The following ARHGAP29 variants were observed in gnomAD, a reference collection of about 807,000 sequenced individuals.
The protein encoded by ARHGAP29 is rho GTPase-activating protein 29.
ARHGAP29 carries 43 observed loss-of-function variants against 122.6 expected under a neutral mutation model. The ratio of observed to expected loss-of-function variants is 0.35; its 90% confidence interval spans 0.27 to 0.45. ARHGAP29 has a LOEUF of 0.45. Ranked by LOEUF, ARHGAP29 falls within the 20% of genes least tolerant of loss-of-function variation. The pLI, the probability that ARHGAP29 is intolerant of heterozygous loss-of-function variation, is 1.00. For missense variants in ARHGAP29, 1,303 were observed against 1,477.2 expected (o/e 0.88, Z 1.93); for synonymous variants, 506 against 497.1 (o/e 1.02, Z -0.24).
intron 12 of ARHGAP29, chr1:94,195,655 T>C (rs1394315601): frequency 6.6e-6 from 1 of 152,090 alleles, no homozygotes; most frequent in African/African-American, 2.4e-5. Flanking sequence ...AATCTGAACA[T>C]ATATTTACCT....
rs1455700803 is a variant in ARHGAP29, at chr1:94,174,099, G to T, written c.3556C>A (p.Pro1186Thr). Residue 1186 changes from proline to threonine, a missense_variant, in exon 23 of 23, where the codon CCC becomes ACC. Coordinates refer to ENST00000260526, the MANE Select transcript of ARHGAP29 (RefSeq NM_004815.4). ...GTGCCAGGAGGCACTGCTGCTGAGG[G>T]TGAAGCTGGCTTCTCCTCATTCCCC... ...IRGNEEKPAS[P>T]SAAVPPGTDH... The T allele has an allele frequency of 8.1e-6, 13 of 1,614,180 alleles. No homozygotes were observed. The highest frequency in any genetic ancestry group is 1.1e-5 in the Non-Finnish European group (13 of 1,180,044).
intron 2 of ARHGAP29, among the ~76,000 whole-genome samples, chr1:94,230,830 C>A (rs774868427): frequency 1.6e-4 from 25 of 151,760 alleles, no homozygotes; most frequent in African/African-American, 5.8e-4. Flanking sequence ...CAGAGATATA[C>A]AATCTTTTAC....
At chr1:94,252,961 C>G (rs1416346240) in intron 1 of ARHGAP29, among the ~76,000 whole-genome samples, 1 of 151,848 alleles carries the variant, frequency 6.6e-6, no homozygotes, top group African/African-American at 2.4e-5. Context: ...AGAGCTTATT[C>G]ACTTCATTCT....
upstream of ARHGAP29, chr1:94,237,685 G>C (rs1285611799): frequency 1.0e-6 from 1 of 985,446 alleles, no homozygotes; most frequent in Non-Finnish European, 1.2e-6. Context: ...CCCGGGGGCG[G>C]GGCCGGCGAC....
At chr1:94,304,494 C>A in the ARHGAP29 span, among the ~76,000 whole-genome samples, 1 of 152,190 alleles carries the variant, frequency 6.6e-6, no homozygotes, top group Non-Finnish European at 1.5e-5. Context: ...AAAGCCTCAC[C>A]TAACTGGAAG....
chr1:94,214,425 T>TA (rs1384197527), intron 3 of ARHGAP29, among the ~76,000 whole-genome samples: 1 of 152,212 alleles, frequency 6.6e-6, no homozygotes, highest in Admixed American at 6.5e-5. Context: ...TGTCTAGTTT[T>TA]AACCTCCAAG....
chr1:94,241,242 T>C (rs1376719486), upstream of ARHGAP29, among the ~76,000 whole-genome samples: 1 of 152,242 alleles, frequency 6.6e-6, no homozygotes, highest in African/African-American at 2.4e-5. Flanking sequence ...GGCCATTTTA[T>C]AGCATAAACG....
chr1:94,263,498 C>G (rs1654640971), intron 1 of ARHGAP29, among the ~76,000 whole-genome samples: 1 of 152,146 alleles, frequency 6.6e-6, no homozygotes. Context: ...CGTACTCATG[C>G]ATAATTATGA....
upstream of ARHGAP29, among the ~76,000 whole-genome samples, chr1:94,239,441 G>A (rs543364474): frequency 2.0e-5 from 3 of 152,258 alleles, no homozygotes; most frequent in South Asian, 6.2e-4. Flanking sequence ...GATGGAGAGA[G>A]AGGGTGTATG....
chr1:94,178,284 G>GA (rs765211588), intron 20 of ARHGAP29, 117 bp from the exon 21 acceptor site: 18 of 937,244 alleles, frequency 1.9e-5, no homozygotes, highest in Non-Finnish European at 2.8e-5. Context: ...ATACTAGGGG[G>GA]AAAAAGTCTA....
chr1:94,217,867 A>C (rs1274613082), intron 3 of ARHGAP29, among the ~76,000 whole-genome samples: 1 of 151,956 alleles, frequency 6.6e-6, no homozygotes, highest in African/African-American at 2.4e-5. Context: ...AAACAAAAAA[A>C]AAAAAACTGA....
At chr1:94,233,076 C>T (rs1653023085) in intron 1 of ARHGAP29, among the ~76,000 whole-genome samples, 1 of 151,428 alleles carries the variant, frequency 6.6e-6, no homozygotes, top group African/African-American at 2.4e-5. Context: ...ACCCATGTAG[C>T]TGGGACTCCA....
upstream of ARHGAP29, among the ~76,000 whole-genome samples, chr1:94,242,049 G>A (rs1653608843): frequency 6.6e-6 from 1 of 151,956 alleles, no homozygotes; most frequent in Non-Finnish European, 1.5e-5. Flanking sequence ...AGAGACTAAG[G>A]ATGTAGAAAA....
chr1:94,174,422 T>C lies in ARHGAP29; in HGVS notation c.3233A>G (p.Gln1078Arg), dbSNP rs1373411735. The change falls in exon 23 of 23, where the codon CAG becomes CGG. Residue 1078 changes from glutamine to arginine, a missense_variant. Gln to Arg is a conservative substitution (Grantham distance 43, BLOSUM62 1). Transcript: ENST00000260526. Reference sequence around the variant, plus strand: ...TTCATACTGTTTGTCCTGAATTTTCTGTAGAGTTTGCTGGTCAAAGCCATT... The same window carrying C: ...TTCATACTGTTTGTCCTGAATTTTCCGTAGAGTTTGCTGGTCAAAGCCATT... The part of the protein sequence containing the change: ...KFNGFDQQTL[Q>R]KIQDKQYEQN... 1.2e-6 allele frequency: 2 copies of C among 1,614,240 alleles called. No homozygotes were observed. The highest frequency in any genetic ancestry group is 1.1e-5 in the South Asian group (1 of 91,082).
At chr1:94,186,745 G>A in intron 15 of ARHGAP29, 148 bp from the exon 16 acceptor site, 1 of 596,268 alleles carries the variant, frequency 1.7e-6, no homozygotes, top group East Asian at 2.9e-5. Context: ...CTGGGTAACA[G>A]GGAATTTTGA....
In ARHGAP29 at chr1:94,171,280, A is replaced by G. The variant is rs10874840; in HGVS notation, c.*2589T>C. On this transcript the variant is annotated 3_prime_UTR_variant, in exon 23 of 23. Coordinates refer to ENST00000260526, the MANE Select transcript of ARHGAP29 (RefSeq NM_004815.4). ...TCATATAGTCTTTGTCTCTGTATCA[A>G]AACAAATACACTGCCTAAGGTACAC... Among the ~76,000 whole-genome samples, 46,550 of 152,036 alleles carry G rather than the reference A, an allele frequency of 0.31. 7,310 individuals are homozygous for G. The highest frequency in any genetic ancestry group is 0.39 in the South Asian group (1,898 of 4,808).
intron 12 of ARHGAP29, chr1:94,194,108 A>T (rs1650294955): frequency 1.3e-5 from 2 of 152,338 alleles, no homozygotes; most frequent in African/African-American, 4.8e-5. Flanking sequence ...ATAAATATAG[A>T]TAAGTGTGCA....
intron 1 of ARHGAP29, among the ~76,000 whole-genome samples, chr1:94,244,289 A>T (rs1173886614): frequency 6.6e-6 from 1 of 151,948 alleles, no homozygotes; most frequent in Non-Finnish European, 1.5e-5. Flanking sequence ...CAAATCCAAC[A>T]ATATATAAAA....
the ARHGAP29 span, among the ~76,000 whole-genome samples, chr1:94,307,012 T>C: frequency 6.6e-6 from 1 of 152,216 alleles, no homozygotes; most frequent in Non-Finnish European, 1.5e-5. Context: ...CCTCTCTTCA[T>C]TTATTCGTAT....
Sources: gnomAD v4.1 joint callset for allele counts (sites outside exome capture counted in the v4.1 genomes callset) on GRCh38, gnomAD v4.1.1 for gene constraint, MANE v1.5 for transcripts, NCBI Gene and HGNC (gene_info 2026-07-23, HGNC 2026-07-21) for gene names.